The following ZMYM2 variants were observed in gnomAD, a reference collection of about 807,000 sequenced individuals.
ZMYM2 encodes the protein zinc finger MYM-type protein 2.
A neutral mutation model predicts 162.8 loss-of-function variants in ZMYM2; 56 were observed. The observed-to-expected ratio is 0.34, with a 90% CI of 0.28 to 0.43. ZMYM2 has a LOEUF of 0.43. Ranked by LOEUF, ZMYM2 falls within the 20% of genes least tolerant of loss-of-function variation. The probability of loss-of-function intolerance (pLI) is 1.00; values close to 1 mark genes in which losing one functional copy is unlikely to be tolerated. For missense variants in ZMYM2, 1,275 were observed against 1,621.8 expected (o/e 0.79, Z 3.67); for synonymous variants, 510 against 541.6 (o/e 0.94, Z 0.81).
chr13:20,011,407 G>GCAT (rs1295682512), intron 6 of ZMYM2, among the ~76,000 whole-genome samples: 1 of 152,138 alleles, frequency 6.6e-6, no homozygotes, highest in Non-Finnish European at 1.5e-5. Flanking sequence ...TTTCCTTTGA[G>GCAT]CATCATGTTG....
intron 6 of ZMYM2, among the ~76,000 whole-genome samples, chr13:20,011,547 T>C (rs559021560): frequency 6.6e-6 from 1 of 151,146 alleles, no homozygotes; most frequent in East Asian, 1.9e-4. Flanking sequence ...TAATGTCCTT[T>C]GATGTGCAGA....
intron 2 of ZMYM2, among the ~76,000 whole-genome samples, chr13:19,975,892 G>GTATGTATA (rs1370114002): frequency 7.0e-6 from 1 of 142,506 alleles, no homozygotes; most frequent in East Asian, 1.9e-4. Flanking sequence ...ATGTATGTAT[G>GTATGTATA]TATGTATGTA....
chr13:19,916,273 A>G, the ZMYM2 span, among the ~76,000 whole-genome samples: 1 of 152,182 alleles, frequency 6.6e-6, no homozygotes, highest in East Asian at 1.9e-4. Flanking sequence ...GGGAGTGTAA[A>G]TTAGTTCAAC....
At chr13:19,890,608 C>T in the ZMYM2 span, among the ~76,000 whole-genome samples, 1 of 148,168 alleles carries the variant, frequency 6.7e-6, no homozygotes, top group Non-Finnish European at 1.5e-5. Flanking sequence ...TATGTAGTTA[C>T]TAAAATGAAT....
At chr13:19,863,918 C>G in the ZMYM2 span, 9 of 74,482 alleles carry the variant, frequency 1.2e-4, no homozygotes, top group Admixed American at 1.2e-3. Context: ...GCTACCGGGT[C>G]CGCCAGGGTC....
intron 7 of ZMYM2, among the ~76,000 whole-genome samples, chr13:20,020,330 G>T (rs1951971345): frequency 6.6e-6 from 1 of 151,778 alleles, no homozygotes; most frequent in Admixed American, 6.6e-5. Context: ...CGCCCCCTGG[G>T]TTCAAGCGAT....
At chr13:19,992,119 G>T (rs574004635) in intron 2 of ZMYM2, among the ~76,000 whole-genome samples, 1 of 152,112 alleles carries the variant, frequency 6.6e-6, no homozygotes, top group African/African-American at 2.4e-5. Context: ...CCTGCTACTG[G>T]GATATAAAGC....
chr13:20,012,234 A>G (rs1421009288), intron 6 of ZMYM2, among the ~76,000 whole-genome samples: 1 of 151,726 alleles, frequency 6.6e-6, no homozygotes, highest in Non-Finnish European at 1.5e-5. Flanking sequence ...GGAGTGCGGT[A>G]GTGCGATCTC....
chr13:20,047,146 C>T (rs754022126), intron 12 of ZMYM2, among the ~76,000 whole-genome samples: 3 of 152,180 alleles, frequency 2.0e-5, no homozygotes, highest in Admixed American at 6.5e-5. Context: ...ATATGCAGCA[C>T]AATCTTTGAA....
At position 20,041,928 on chromosome 13, in the gene ZMYM2, A is replaced by G. The variant is rs34817269; in HGVS notation, c.2292+5019A>G. Reference sequence around the variant, plus strand: ...TAGGGTTTCTGCTGAGAGATCTGCTATTAGTCCGATGAGTTTCCGTTTGTA... The same window carrying G: ...TAGGGTTTCTGCTGAGAGATCTGCTGTTAGTCCGATGAGTTTCCGTTTGTA... On this transcript the variant is annotated intron_variant, in intron 12 of 24. Coordinates refer to ENST00000610343, the MANE Select transcript of ZMYM2 (RefSeq NM_197968.4). 9.6e-4 allele frequency among the ~76,000 whole-genome samples: 146 copies of G among 152,216 alleles called. No homozygotes were observed. In the Middle Eastern group the frequency reaches 0.01, roughly 11 times the overall value.
rs1168558274 is a variant in ZMYM2, at chr13:20,036,789, T to C, written c.2172T>C (p.Cys724=). ...QDFARRLGLR[C]VTCNYCSQLC... ...TTGCCAGACGTTTAGGATTGAGATGTGTTACTTGCAACTATTGTTCTCAGC... is the reference window on the plus strand; with the variant it reads ...TTGCCAGACGTTTAGGATTGAGATGCGTTACTTGCAACTATTGTTCTCAGC... The change falls in exon 12 of 25, where the codon TGT becomes TGC. Residue 724 remains cysteine (C), a synonymous_variant. Coordinates refer to ENST00000610343, the MANE Select transcript of ZMYM2 (RefSeq NM_197968.4). 1.2e-6 allele frequency: 2 copies of C among 1,602,762 alleles called. No individual in the cohort carries two copies. Among genetic ancestry groups the C allele is most frequent in the East Asian group, 2.2e-5 (1 of 44,510 alleles).
At chr13:19,893,084 G>T in the ZMYM2 span, among the ~76,000 whole-genome samples, 2 of 151,302 alleles carry the variant, frequency 1.3e-5, no homozygotes, top group African/African-American at 4.9e-5. Context: ...TATAGTGTTT[G>T]TTTCTACATA....
At chr13:19,976,786 G>T (rs1956835171) in intron 2 of ZMYM2, among the ~76,000 whole-genome samples, 1 of 152,194 alleles carries the variant, frequency 6.6e-6, no homozygotes, top group Admixed American at 6.5e-5. Context: ...TTAGGTCTGA[G>T]TAGTTTATAG....
chr13:20,019,684 A>C, intron 7 of ZMYM2, 66 bp downstream of exon 7: 1 of 1,380,484 alleles, frequency 7.2e-7, no homozygotes, highest in South Asian at 1.3e-5. Context: ...ACTGTCATTA[A>C]TATGTATCTG....
At chr13:19,909,788 G>C in the ZMYM2 span, among the ~76,000 whole-genome samples, 1 of 152,056 alleles carries the variant, frequency 6.6e-6, no homozygotes, top group East Asian at 1.9e-4. Context: ...CCTCTAAAGT[G>C]CAACCCAGGA....
chr13:19,880,587 C>A, the ZMYM2 span, among the ~76,000 whole-genome samples: 6 of 152,150 alleles, frequency 3.9e-5, 1 homozygote, highest in African/African-American at 1.4e-4. Flanking sequence ...TGCCGCCACG[C>A]CCGGCTAATT....
the ZMYM2 span, among the ~76,000 whole-genome samples, chr13:19,920,924 A>C: frequency 6.7e-6 from 1 of 150,258 alleles, no homozygotes; most frequent in South Asian, 2.1e-4. Flanking sequence ...CACCATGCCC[A>C]GCTAATTTTT....
At position 20,021,564 on chromosome 13, in the gene ZMYM2, T is replaced by C. The variant is rs542781647; in HGVS notation, c.1584+1946T>C. Among the ~76,000 whole-genome samples, 8 of 152,324 alleles carry C rather than the reference T, an allele frequency of 5.3e-5. No homozygotes were observed. In the East Asian group the frequency reaches 5.8e-4, roughly 11 times the overall value. On this transcript the variant is annotated intron_variant, in intron 7 of 24. Coordinates refer to ENST00000610343, the MANE Select transcript of ZMYM2 (RefSeq NM_197968.4). Reference sequence around the variant, plus strand: ...TGCTTTTAAGTTTTTGAAAAGACTTTGGTAGAGCAAACTTTAGCCTGGGGC... The same window carrying C: ...TGCTTTTAAGTTTTTGAAAAGACTTCGGTAGAGCAAACTTTAGCCTGGGGC...
chr13:19,921,107 G>T, the ZMYM2 span, among the ~76,000 whole-genome samples: 3 of 151,630 alleles, frequency 2.0e-5, no homozygotes, highest in Non-Finnish European at 4.4e-5. Context: ...AACCATCTGA[G>T]ATGTGTTCTT....
Sources: gnomAD v4.1 joint callset for allele counts (sites outside exome capture counted in the v4.1 genomes callset) on GRCh38, gnomAD v4.1.1 for gene constraint, MANE v1.5 for transcripts, NCBI Gene and HGNC (gene_info 2026-07-23, HGNC 2026-07-21) for gene names.